MYO1E: variants seen among roughly 807,000 people sequenced by gnomAD.
MYO1E encodes myosin IE, also known as unconventional myosin-Ie.
Under a neutral mutation model 151.1 loss-of-function variants are expected in MYO1E, and 68 were observed. That is an observed-to-expected ratio of 0.45 (90% CI 0.37 to 0.55). MYO1E has a LOEUF of 0.55. Among genes scored for constraint, MYO1E ranks in the 20% least tolerant of loss-of-function variants. The pLI is 0.00. For missense variants in MYO1E, 1,363 were observed against 1,389.3 expected (o/e 0.98, Z 0.30); for synonymous variants, 601 against 501.7 (o/e 1.20, Z -2.64).
At chr15:59,327,978 A>T (rs879513949) in intron 1 of MYO1E, among the ~76,000 whole-genome samples, 1 of 152,178 alleles carries the variant, frequency 6.6e-6, no homozygotes, top group African/African-American at 2.4e-5. Flanking sequence ...AGCACTTCGG[A>T]AGCTGTGTTA....
intron 1 of MYO1E, among the ~76,000 whole-genome samples, chr15:59,304,052 G>A (rs2080500283): frequency 6.8e-6 from 1 of 147,666 alleles, no homozygotes; most frequent in Non-Finnish European, 1.5e-5. Context: ...GCGCAATCTT[G>A]GCTCACTGCA....
At position 59,332,130 on chromosome 15, in the gene MYO1E, A is replaced by C. The variant is rs78966397; in HGVS notation, c.3+40368T>G. On this transcript the variant is annotated intron_variant, in intron 1 of 27. Transcript: ENST00000288235. ...TCCTTCCTTTACCATTTTGTGTCCTAAAACAACTCTGTGAGTAGAAATAGA... is the reference window on the plus strand; with the variant it reads ...TCCTTCCTTTACCATTTTGTGTCCTCAAACAACTCTGTGAGTAGAAATAGA... 7.9e-3 allele frequency among the ~76,000 whole-genome samples: 1,208 copies of C among 152,336 alleles called. 11 individuals are homozygous for C. The highest frequency in any genetic ancestry group is 0.028 in the African/African-American group (1,157 of 41,576).
At chr15:59,298,905 T>A (rs572931515) in intron 1 of MYO1E, among the ~76,000 whole-genome samples, 3 of 152,374 alleles carry the variant, frequency 2.0e-5, no homozygotes, top group South Asian at 4.1e-4. Context: ...CATTAAACAT[T>A]TTCTTTTTGC....
chr15:59,310,901 T>C (rs1008467536), intron 1 of MYO1E, among the ~76,000 whole-genome samples: 1 of 152,124 alleles, frequency 6.6e-6, no homozygotes, highest in African/African-American at 2.4e-5. Flanking sequence ...AACCTCCACT[T>C]TCTGTAGGAC....
intron 1 of MYO1E, among the ~76,000 whole-genome samples, chr15:59,295,897 G>A (rs1221354531): frequency 6.6e-6 from 1 of 152,048 alleles, no homozygotes; most frequent in African/African-American, 2.4e-5. Flanking sequence ...CTTACTGCGG[G>A]GTTATTATTA....
chr15:59,304,972 G>A (rs571071836), intron 1 of MYO1E, among the ~76,000 whole-genome samples: 2 of 152,194 alleles, frequency 1.3e-5, no homozygotes, highest in Non-Finnish European at 2.9e-5. Flanking sequence ...CCTTGTCCAA[G>A]GTCAGTGCTC....
At chr15:59,235,865 A>C (rs2080059352) in intron 5 of MYO1E, among the ~76,000 whole-genome samples, 1 of 152,210 alleles carries the variant, frequency 6.6e-6, no homozygotes, top group African/African-American at 2.4e-5. Flanking sequence ...GGCCAATCTG[A>C]TAGGCAAAAA....
In MYO1E at chr15:59,340,050, T is replaced by C. The variant is rs117332059; in HGVS notation, c.3+32448A>G. 8.3e-3 allele frequency among the ~76,000 whole-genome samples: 1,260 copies of C among 152,186 alleles called. 12 individuals are homozygous for C. Among genetic ancestry groups the C allele is most frequent in the Non-Finnish European group, 0.013 (897 of 67,990 alleles). On this transcript the variant is annotated intron_variant, in intron 1 of 27. Transcript: ENST00000288235. ...GTTGTATTTTTAGTAGAGACAGAAT[T>C]TTGCCATGTTGGCCAGGCTAGTCTC...
intron 1 of MYO1E, among the ~76,000 whole-genome samples, chr15:59,347,714 C>T (rs2080802338): frequency 2.0e-5 from 3 of 152,010 alleles, no homozygotes; most frequent in Non-Finnish European, 4.4e-5. Flanking sequence ...AAAGGTGGCA[C>T]TTCACAACAG....
intron 18 of MYO1E, among the ~76,000 whole-genome samples, chr15:59,182,528 C>T (rs1321169535): frequency 6.6e-6 from 1 of 152,042 alleles, no homozygotes; most frequent in African/African-American, 2.4e-5. Context: ...TATTCTCAAA[C>T]CAAGAAAAGT....
intron 4 of MYO1E, among the ~76,000 whole-genome samples, chr15:59,251,076 C>T (rs1228044084): frequency 1.3e-5 from 2 of 152,190 alleles, no homozygotes; most frequent in African/African-American, 4.8e-5. Context: ...TATCAGAAAA[C>T]TCATCCTGGA....
At chr15:59,211,402 A>C (rs1211640456) in intron 12 of MYO1E, among the ~76,000 whole-genome samples, 1 of 152,076 alleles carries the variant, frequency 6.6e-6, no homozygotes, top group African/African-American at 2.4e-5. Context: ...TATATGTGGT[A>C]GAGTCTCAGG....
rs978964963 is a variant in MYO1E at position 59,132,883 on chromosome 15, A to C, written c.*4497T>G. ...TAATGGTCTTGGAAAGAGATGAATC[A>C]GAGGATTCAGATTTGTTAGATGGAG... On this transcript the variant is annotated 3_prime_UTR_variant, in exon 28 of 28. Coordinates refer to ENST00000288235, the MANE Select transcript of MYO1E (RefSeq NM_004998.4). 6.6e-6 allele frequency: 1 copy of C among 152,244 alleles called. No homozygotes were observed. Among genetic ancestry groups the C allele is most frequent in the Non-Finnish European group, 1.5e-5 (1 of 68,044 alleles). The allele number at this position is 152,244 out of a possible 1,614,324, so 9.4% of individuals were successfully genotyped here.
chr15:59,242,206 T>C (rs1267966936), intron 4 of MYO1E, among the ~76,000 whole-genome samples: 1 of 152,224 alleles, frequency 6.6e-6, no homozygotes, highest in East Asian at 1.9e-4. Flanking sequence ...GTTTTCAAAA[T>C]TGACACACTT....
chr15:59,223,981 A>T (rs918781630), intron 8 of MYO1E, among the ~76,000 whole-genome samples: 20 of 152,164 alleles, frequency 1.3e-4, no homozygotes, highest in Non-Finnish European at 1.3e-4. Context: ...AATGTACTGA[A>T]CCCACGCTGC....
intron 5 of MYO1E, among the ~76,000 whole-genome samples, chr15:59,235,035 G>A (rs1162057803): frequency 2.0e-5 from 3 of 152,014 alleles, no homozygotes; most frequent in African/African-American, 7.3e-5. Flanking sequence ...CTCATCCATG[G>A]CTCTGGGGAG....
chr15:59,270,995 C>T (rs1210769933), intron 2 of MYO1E: 1 of 152,110 alleles, frequency 6.6e-6, no homozygotes, highest in African/African-American at 2.4e-5. Flanking sequence ...ATCTGTTAAT[C>T]CTTGAAAACA....
chr15:59,140,513 G>A (rs1305852734), intron 26 of MYO1E, among the ~76,000 whole-genome samples: 1 of 152,190 alleles, frequency 6.6e-6, no homozygotes, highest in Non-Finnish European at 1.5e-5. Context: ...CAAGAAGTTG[G>A]GCTGGACCTC....
intron 4 of MYO1E, among the ~76,000 whole-genome samples, chr15:59,255,984 T>C (rs1445739478): frequency 1.3e-5 from 2 of 152,088 alleles, no homozygotes; most frequent in Admixed American, 6.5e-5. Flanking sequence ...ACTACTAAAT[T>C]ATGAAGGGAA....
Sources: gnomAD v4.1 joint callset for allele counts (sites outside exome capture counted in the v4.1 genomes callset) on GRCh38, gnomAD v4.1.1 for gene constraint, MANE v1.5 for transcripts, NCBI Gene and HGNC (gene_info 2026-07-23, HGNC 2026-07-21) for gene names.